The following SUPT3H variants were observed in gnomAD, a reference collection of about 807,000 sequenced individuals.
SUPT3H encodes transcription initiation protein SPT3 homolog.
In SUPT3H, 44 loss-of-function variants were observed where a neutral mutation model predicts 44.3. That is an observed-to-expected ratio of 0.99 (90% CI 0.78 to 1.28). The LOEUF (loss-of-function observed/expected upper bound fraction) is 1.28, where lower values mean the gene tolerates loss of function less well. SUPT3H is among the 50% of genes most tolerant of loss of function. The probability of loss-of-function intolerance (pLI) is 0.00; values close to 1 mark genes in which losing one functional copy is unlikely to be tolerated. For synonymous variants in SUPT3H, 124 were observed against 125.6 expected, an observed-to-expected ratio of 0.99 and a Z score of 0.09; for missense variants, 380 against 387.1, an observed-to-expected ratio of 0.98 and a Z score of 0.15.
At chr6:45,097,929 A>AAATC (rs1478761522) in intron 3 of SUPT3H, 1 of 152,576 alleles carries the variant, frequency 6.6e-6, no homozygotes, top group Non-Finnish European at 1.5e-5. Flanking sequence ...TCTTGCAGAA[A>AAATC]AATCATGAAA....
At chr6:45,328,053 C>G in intron 2 of SUPT3H, 1 of 243,822 alleles carries the variant, frequency 4.1e-6, no homozygotes, top group South Asian at 5.7e-5. Flanking sequence ...GGAGTTTGGG[C>G]TCCTTCAGCA....
At chr6:44,932,844 T>C in intron 9 of SUPT3H, 81 bp from the exon 10 acceptor site, 3 of 895,986 alleles carry the variant, frequency 3.3e-6, no homozygotes, top group Non-Finnish European at 4.8e-6. Flanking sequence ...AAAATAAACC[T>C]TTACAAAAGA....
At position 44,834,384 on chromosome 6, in the gene SUPT3H, T is replaced by C. The variant is rs149474109; in HGVS notation, c.913-4527A>G. Among the ~76,000 whole-genome samples, 7 of 152,298 alleles carry C rather than the reference T, an allele frequency of 4.6e-5. No homozygotes were observed. The East Asian group carries it at 1.4e-3, about 29-fold the overall frequency. On this transcript the variant is annotated intron_variant, in intron 10 of 10. Coordinates refer to ENST00000371459, the MANE Select transcript of SUPT3H (RefSeq NM_003599.4). The stretch of plus-strand genomic sequence containing the variant: ...ACAGCAGATGGGTTACCTGTATCTC[T>C]CACTTTAGGTTATCTGTAGATTAGG...
intron 3 of SUPT3H, among the ~76,000 whole-genome samples, chr6:45,067,858 G>T (rs1281094277): frequency 2.2e-4 from 32 of 146,976 alleles, no homozygotes; most frequent in African/African-American, 7.8e-4. Context: ...CTTTTACACT[G>T]TTGGTGGGAC....
intron 2 of SUPT3H, among the ~76,000 whole-genome samples, chr6:45,217,826 G>A (rs1234495340): frequency 6.6e-6 from 1 of 151,756 alleles, no homozygotes; most frequent in African/African-American, 2.4e-5. Context: ...GGAGGCAGAG[G>A]CTGCAGTAGG....
In SUPT3H at chr6:45,294,454, A is replaced by G. The variant is rs1780789383; in HGVS notation, c.101+70747T>C. On this transcript the variant is annotated intron_variant, in intron 2 of 10. Transcript: ENST00000371459. ...CTGCTAGCTTTCACTACTCCCCTTC[A>G]GCACAGTACTGAAAGTCCTAGCCAG... Among the ~76,000 whole-genome samples the G allele has an allele frequency of 2.0e-5, 3 of 152,296 alleles. No homozygotes were observed. The South Asian group carries it at 6.2e-4, about 32-fold the overall frequency.
chr6:45,128,666 A>G (rs965351328), intron 2 of SUPT3H, among the ~76,000 whole-genome samples: 25 of 140,786 alleles, frequency 1.8e-4, no homozygotes, highest in Admixed American at 1.7e-3. Flanking sequence ...TATAGAATGA[A>G]AAGTATTTTT....
chr6:45,057,429 G>A (rs1475633525), intron 3 of SUPT3H, among the ~76,000 whole-genome samples: 1 of 151,870 alleles, frequency 6.6e-6, no homozygotes, highest in East Asian at 1.9e-4. Flanking sequence ...TTGGAACATA[G>A]AAGGTATTGT....
chr6:45,078,005 A>G (rs1038688330), intron 3 of SUPT3H, among the ~76,000 whole-genome samples: 5 of 152,130 alleles, frequency 3.3e-5, no homozygotes, highest in Non-Finnish European at 7.4e-5. Context: ...AATCTAAAAC[A>G]TAAGAAAGAC....
In SUPT3H at chr6:44,887,214, C is replaced by A. The variant is rs541062643; in HGVS notation, c.912+45439G>T. ...GTCAACATTAGACACATCAACGAGA[C>A]AGAAAGTTAACAAGGATATCCAGGA... On this transcript the variant is annotated intron_variant, in intron 10 of 10. Coordinates refer to ENST00000371459, the MANE Select transcript of SUPT3H (RefSeq NM_003599.4). 2.5e-3 allele frequency among the ~76,000 whole-genome samples: 386 copies of A among 152,242 alleles called. 2 individuals are homozygous for A. The highest frequency in any genetic ancestry group is 8.5e-3 in the African/African-American group (353 of 41,538).
chr6:44,859,243 T>G (rs761850635), intron 10 of SUPT3H, among the ~76,000 whole-genome samples: 1 of 152,168 alleles, frequency 6.6e-6, no homozygotes, highest in Non-Finnish European at 1.5e-5. Context: ...TGAAAATAAC[T>G]TATAGACTAA....
chr6:44,909,963 C>T (rs1015746752), intron 10 of SUPT3H, among the ~76,000 whole-genome samples: 17 of 152,250 alleles, frequency 1.1e-4, no homozygotes, highest in Admixed American at 9.8e-4. Flanking sequence ...AGTAGCATAG[C>T]GCTTTTGGAA....
chr6:45,210,709 T>C (rs1763950121), intron 2 of SUPT3H, among the ~76,000 whole-genome samples: 1 of 152,220 alleles, frequency 6.6e-6, no homozygotes, highest in South Asian at 2.1e-4. Flanking sequence ...TCTAAACTGA[T>C]TGAGATCTGT....
intron 10 of SUPT3H, among the ~76,000 whole-genome samples, chr6:44,834,667 T>C (rs1454769713): frequency 1.3e-5 from 2 of 152,162 alleles, no homozygotes; most frequent in Non-Finnish European, 2.9e-5. Flanking sequence ...GAGTGACCCA[T>C]CCACAGTCAC....
intron 6 of SUPT3H, among the ~76,000 whole-genome samples, chr6:44,964,783 C>T (rs1303538393): frequency 6.6e-6 from 1 of 152,126 alleles, no homozygotes; most frequent in Non-Finnish European, 1.5e-5. Flanking sequence ...GGAAACACTC[C>T]ACGCAAAGCA....
Position 45,302,467 on chromosome 6 carries a change from C to T in SUPT3H, c.101+62734G>A, listed in dbSNP as rs1159108263. ...ATGGCTGAGTAGTATTCCATATATACATATATATATATATGGAATATATAA... is the reference window on the plus strand; with the variant it reads ...ATGGCTGAGTAGTATTCCATATATATATATATATATATATGGAATATATAA... On this transcript the variant is annotated intron_variant, in intron 2 of 10. Transcript: ENST00000371459. Among the ~76,000 whole-genome samples, 12 of 131,206 alleles carry T rather than the reference C, an allele frequency of 9.1e-5. No individual in the cohort carries two copies. The South Asian group carries it at 2.5e-3, about 27-fold the overall frequency. The allele number at this position is 131,206 out of a possible 152,430, so 86.1% of individuals were successfully genotyped here.
In SUPT3H at chr6:45,310,859, C is replaced by A. The variant is rs555527641; in HGVS notation, c.101+54342G>T. ...CAGGAAATCAACCCTGGTAATATGA[C>A]AAAACAGGGTTCATCAACACCCCCA... On this transcript the variant is annotated intron_variant, in intron 2 of 10. Coordinates refer to ENST00000371459, the MANE Select transcript of SUPT3H (RefSeq NM_003599.4). Among the ~76,000 whole-genome samples, 15 of 152,262 alleles carry A rather than the reference C, an allele frequency of 9.9e-5. No homozygotes were observed. The East Asian group carries it at 2.9e-3, about 29-fold the overall frequency.
intron 2 of SUPT3H, among the ~76,000 whole-genome samples, chr6:45,180,448 C>T (rs1391585107): frequency 1.3e-5 from 2 of 148,332 alleles, no homozygotes; most frequent in Non-Finnish European, 1.5e-5. Context: ...GGAGGCATCA[C>T]GCTACCTGAC....
intron 2 of SUPT3H, among the ~76,000 whole-genome samples, chr6:45,331,134 C>T (rs879660235): frequency 5.9e-5 from 9 of 151,446 alleles, no homozygotes; most frequent in Non-Finnish European, 7.4e-5. Flanking sequence ...TGTGCGCGCG[C>T]GCGCGCACAT....
Sources: gnomAD v4.1 joint callset for allele counts (sites outside exome capture counted in the v4.1 genomes callset) on GRCh38, gnomAD v4.1.1 for gene constraint, MANE v1.5 for transcripts, NCBI Gene and HGNC (gene_info 2026-07-23, HGNC 2026-07-21) for gene names.